ACOX3: variants seen among roughly 807,000 people sequenced by gnomAD.
The protein encoded by ACOX3 is acyl-CoA oxidase 3, pristanoyl.
In ACOX3, 73 loss-of-function variants were observed where a neutral mutation model predicts 81.5. The observed-to-expected ratio is 0.90, with a 90% CI of 0.74 to 1.09. The LOEUF is 1.09. Among genes scored for constraint, ACOX3 ranks in the 50% least tolerant of loss-of-function variants. The pLI is 0.00. For synonymous variants in ACOX3, 387 were observed against 375.1 expected, an observed-to-expected ratio of 1.03 and a Z score of -0.37; for missense variants, 947 against 928.0, an observed-to-expected ratio of 1.02 and a Z score of -0.27.
rs757845752 is a variant in ACOX3 at position 8,396,996 on chromosome 4, G to A, written c.997C>T (p.Arg333Trp). 2.5e-5 allele frequency: 41 copies of A among 1,611,838 alleles called. No homozygotes were observed. The East Asian group carries it at 7.6e-4, about 30-fold the overall frequency. Reference protein sequence around the residue: ...VAIALRFSATRRQFGPTEEEE... With the variant: ...VAIALRFSATWRQFGPTEEEE... ...TCCTCTGTGGGTCCAAACTGACGCCGAGTGGCTGAGAAGCGAAGAGCGATG... is the reference window on the plus strand; with the variant it reads ...TCCTCTGTGGGTCCAAACTGACGCCAAGTGGCTGAGAAGCGAAGAGCGATG... The change falls in exon 9 of 18, where the codon CGG becomes TGG. Residue 333 changes from arginine (R) to tryptophan (W), a missense_variant. Arg to Trp is a moderately radical substitution (Grantham distance 101). Transcript: ENST00000356406.
rs775849599 is a variant in ACOX3 at position 8,394,841 on chromosome 4, G to A, written c.1057-99C>T. 2 of 1,462,238 alleles carry A rather than the reference G, an allele frequency of 1.4e-6. No homozygotes were observed. The highest frequency in any genetic ancestry group is 1.8e-6 in the Non-Finnish European group (2 of 1,092,240). 90.6% of individuals were successfully genotyped at this position (1,462,238 alleles called of 1,614,324 possible). On this transcript the variant is annotated intron_variant, in intron 9 of 17. Transcript: ENST00000356406. The surrounding 1 kb of genome is among the most constrained non-coding windows in gnomAD (Gnocchi z 5.9). ...AGCCAGTGCAGGGAGAGGCCGTCAG[G>A]GCCACACACCCACTAGCGCTGAAGG...
rs1305873825 is a variant in ACOX3, at chr4:8,416,741, A to G, written c.-14-206T>C. Among the ~76,000 whole-genome samples the G allele has an allele frequency of 6.6e-6, 1 of 152,250 alleles. No individual in the cohort carries two copies. Among genetic ancestry groups the G allele is most frequent in the Non-Finnish European group, 1.5e-5 (1 of 68,028 alleles). On this transcript the variant is annotated intron_variant, in intron 1 of 17. Transcript: ENST00000356406. The surrounding 1 kb of genome is among the most constrained non-coding windows in gnomAD (Gnocchi z 4.2). The stretch of plus-strand genomic sequence containing the variant: ...GAAGAATTCCCTCGTCCACTCCTGA[A>G]CACAGATGCCAAGGACACAGAAGAG...
chr4:8,374,914 C>T lies in ACOX3; in HGVS notation c.1828+64G>A, dbSNP rs865824971. 1.1e-4 allele frequency: 161 copies of T among 1,438,688 alleles called. 1 individual carries two copies. The Middle Eastern group carries it at 2.6e-3, about 23-fold the overall frequency. 89.1% of individuals were successfully genotyped at this position (1,438,688 alleles called of 1,614,324 possible). A position where few individuals can be genotyped will look rare whatever the true frequency, so the allele number is the denominator to read the frequency against. ...AGGACGATGGTGCAGGAAGCAGCTT[C>T]CTAGATACAACACGGGGGCCCTGAC... On this transcript the variant is annotated intron_variant, in intron 15 of 17. Coordinates refer to ENST00000356406, the MANE Select transcript of ACOX3 (RefSeq NM_003501.3).
intron 17 of ACOX3, among the ~76,000 whole-genome samples, chr4:8,367,941 G>A (rs903044173): frequency 1.3e-5 from 2 of 150,704 alleles, no homozygotes; most frequent in Non-Finnish European, 3.0e-5. Flanking sequence ...GCAGTGGGCC[G>A]AGATTATGCC....
rs1166837756 is a variant in ACOX3, at chr4:8,423,948, C to A, written c.-14-7413G>T. The stretch of plus-strand genomic sequence containing the variant: ...ATGCGGATGATTTACTTTTAGCCAC[C>A]CATTCAGAAACCTTGTGCCATCAAG... On this transcript the variant is annotated intron_variant, in intron 1 of 17. Transcript: ENST00000356406. This position sits in a 1 kb window ranked among gnomAD's most constrained non-coding sequence, Gnocchi z 4.2. Among the ~76,000 whole-genome samples the A allele has an allele frequency of 2.0e-5, 3 of 152,158 alleles. No individual in the cohort carries two copies. The highest frequency in any genetic ancestry group is 4.4e-5 in the Non-Finnish European group (3 of 68,028).
chr4:8,387,004 C>T (rs544722508), intron 13 of ACOX3, among the ~76,000 whole-genome samples: 36 of 152,362 alleles, frequency 2.4e-4, no homozygotes, highest in African/African-American at 8.4e-4. Context: ...TCCCGAGGAT[C>T]CAGGGGCCTC....
At chr4:8,357,419 A>G in the ACOX3 span, 2 of 357,170 alleles carry the variant, frequency 5.6e-6, no homozygotes, top group Non-Finnish European at 1.1e-5. Context: ...AAGTAAATCA[A>G]TTAAATTGGA....
Position 8,437,471 on chromosome 4 carries a change from G to C in ACOX3, c.-15+3177C>G, listed in dbSNP as rs1331496783. Among the ~76,000 whole-genome samples, 1 of 152,184 alleles carries C rather than the reference G, an allele frequency of 6.6e-6. No homozygotes were observed. Among genetic ancestry groups the C allele is most frequent in the Non-Finnish European group, 1.5e-5 (1 of 68,044 alleles). ...AATGGGAGAGACAGCAGTGCGCGGG[G>C]GCAGGGCCTGTGCCACTGCCTGGCC... On this transcript the variant is annotated intron_variant, in intron 1 of 17. Coordinates refer to ENST00000356406, the MANE Select transcript of ACOX3 (RefSeq NM_003501.3). This position sits in a 1 kb window ranked among gnomAD's most constrained non-coding sequence, Gnocchi z 5.2.
At chr4:8,433,203 A>C (rs1724046058) in intron 1 of ACOX3, among the ~76,000 whole-genome samples, 1 of 152,222 alleles carries the variant, frequency 6.6e-6, no homozygotes, top group Non-Finnish European at 1.5e-5. Flanking sequence ...TGCCATCTGC[A>C]CCATTCTCCT....
Position 8,414,291 on chromosome 4 carries a change from C to T in ACOX3, c.543+1G>A. On this transcript the variant is annotated splice_donor_variant, in intron 5 of 17. Coordinates refer to ENST00000356406, the MANE Select transcript of ACOX3 (RefSeq NM_003501.3). LOFTEE classifies it high-confidence loss of function. This position sits in a 1 kb window ranked among gnomAD's most constrained non-coding sequence, Gnocchi z 6.1. ...GGGACCCGGGGGAAGGTAATACCTACCTCAGTGGCAGGATCGTAGTGGGCA... is the reference window on the plus strand; with the variant it reads ...GGGACCCGGGGGAAGGTAATACCTATCTCAGTGGCAGGATCGTAGTGGGCA... 6.2e-7 allele frequency: 1 copy of T among 1,613,456 alleles called. No individual in the cohort carries two copies. The highest frequency in any genetic ancestry group is 8.5e-7 in the Non-Finnish European group (1 of 1,179,442).
At position 8,394,483 on chromosome 4, in the gene ACOX3, G is replaced by A. The variant is rs1219217674; in HGVS notation, c.1179+137C>T. 41 of 1,351,328 alleles carry A rather than the reference G, an allele frequency of 3.0e-5. No individual in the cohort carries two copies. The highest frequency in any genetic ancestry group is 4.0e-5 in the Non-Finnish European group (41 of 1,014,592). The allele number at this position is 1,351,328 out of a possible 1,614,324, so 83.7% of individuals were successfully genotyped here. A position where few individuals can be genotyped will look rare whatever the true frequency, so the allele number is the denominator to read the frequency against. On this transcript the variant is annotated intron_variant, in intron 10 of 17. Transcript: ENST00000356406. The surrounding 1 kb of genome is among the most constrained non-coding windows in gnomAD (Gnocchi z 5.9). ...GCGGCAGAGGCCAAGAGCTCCGAGTGGGTGGGAACAACTGGAGGAATGCTC... is the reference window on the plus strand; with the variant it reads ...GCGGCAGAGGCCAAGAGCTCCGAGTAGGTGGGAACAACTGGAGGAATGCTC...
At chr4:8,411,575 G>A (rs1171871193) in intron 5 of ACOX3, among the ~76,000 whole-genome samples, 1 of 152,174 alleles carries the variant, frequency 6.6e-6, no homozygotes, top group East Asian at 1.9e-4. Flanking sequence ...ACCTCCACCT[G>A]TCACTCATTC....
At chr4:8,420,868 A>G (rs1456602235) in intron 1 of ACOX3, among the ~76,000 whole-genome samples, 1 of 152,168 alleles carries the variant, frequency 6.6e-6, no homozygotes, top group Non-Finnish European at 1.5e-5. Context: ...ATCGGGCTAG[A>G]GGCTCACCAT....
intron 8 of ACOX3, among the ~76,000 whole-genome samples, chr4:8,397,342 C>A (rs1719833885): frequency 6.6e-6 from 1 of 152,184 alleles, no homozygotes; most frequent in Admixed American, 6.5e-5. Flanking sequence ...GGAGGGGACA[C>A]CCAGCTGCCT....
intron 1 of ACOX3, chr4:8,428,466 C>G (rs1723730763): frequency 6.6e-6 from 1 of 152,428 alleles, no homozygotes; most frequent in Non-Finnish European, 1.5e-5. Context: ...CGCCACGCCT[C>G]TCGGCCTCCG....
rs1427735857 is a variant in ACOX3, at chr4:8,368,730, CTTT to C, written c.1984-1653_1984-1651del. On this transcript the variant is annotated intron_variant, in intron 17 of 17. Transcript: ENST00000356406. This position sits in a 1 kb window ranked among gnomAD's most constrained non-coding sequence, Gnocchi z 5.9. ...GTTCCTTGCAACTGGAAGGAATGCA[CTTT>C]TTTTTTTTTTTTTGAGATGAGGTCT... Among the ~76,000 whole-genome samples, 2 of 139,260 alleles carry C rather than the reference CTTT, an allele frequency of 1.4e-5. No individual in the cohort carries two copies. 91.4% of individuals were successfully genotyped at this position (139,260 alleles called of 152,430 possible).
In ACOX3 at chr4:8,389,345, C is replaced by A. The variant is rs1249849984; in HGVS notation, c.1424-59G>T. ...ACAGGAACCCAAACCATTGGGAACC[C>A]CAAGCTGGGGGCACCCCAAAGCACA... On this transcript the variant is annotated intron_variant, in intron 12 of 17. Coordinates refer to ENST00000356406, the MANE Select transcript of ACOX3 (RefSeq NM_003501.3). This position sits in a 1 kb window ranked among gnomAD's most constrained non-coding sequence, Gnocchi z 5.3. 1.3e-6 allele frequency: 2 copies of A among 1,523,280 alleles called. No individual in the cohort carries two copies. The allele number at this position is 1,523,280 out of a possible 1,614,324, so 94.4% of individuals were successfully genotyped here.
At chr4:8,367,806 C>CCA (rs1715646686) in intron 17 of ACOX3, among the ~76,000 whole-genome samples, 2 of 46,704 alleles carry the variant, frequency 4.3e-5, no homozygotes, top group Non-Finnish European at 8.5e-5. Context: ...CCCATCTTTA[C>CCA]AAAAAAAAAA....
the ACOX3 span, among the ~76,000 whole-genome samples, chr4:8,359,838 T>C: frequency 5.3e-5 from 8 of 152,202 alleles, no homozygotes; most frequent in Non-Finnish European, 1.0e-4. This position sits in a 1 kb window ranked among gnomAD's most constrained non-coding sequence, Gnocchi z 6.0. Context: ...AAAATAATTG[T>C]TTATCTCCTG....
Sources: gnomAD v4.1 joint callset for allele counts (sites outside exome capture counted in the v4.1 genomes callset) on GRCh38, gnomAD v4.1.1 for gene constraint, Gnocchi (gnomAD v3.1) non-coding constraint, MANE v1.5 for transcripts, NCBI Gene and HGNC (gene_info 2026-07-23, HGNC 2026-07-21) for gene names.